The following RBFOX1 variants were observed in gnomAD, a reference collection of about 807,000 sequenced individuals.
The protein encoded by RBFOX1 is RNA binding fox-1 homolog 1.
Under a neutral mutation model 57.7 loss-of-function variants are expected in RBFOX1, and 8 were observed. The ratio of observed to expected loss-of-function variants is 0.14; its 90% CI spans 0.08 to 0.25. The LOEUF (loss-of-function observed/expected upper bound fraction) is 0.25. Ranked by LOEUF, RBFOX1 falls within the 10% of genes least tolerant of loss-of-function variation. The pLI, the probability that RBFOX1 is intolerant of heterozygous loss-of-function variation, is 1.00. For synonymous variants in RBFOX1, 326 were observed against 222.4 expected, an observed-to-expected ratio of 1.47 and a Z score of -4.15; for missense variants, 611 against 548.5, an observed-to-expected ratio of 1.11 and a Z score of -1.14.
In RBFOX1 at chr16:7,671,611, C is replaced by G. The variant is rs756935023; in HGVS notation, c.931-5163C>G. On this transcript the variant is annotated intron_variant, in intron 13 of 15. Coordinates refer to ENST00000550418, the MANE Select transcript of RBFOX1 (RefSeq NM_018723.4). ...ATAAATTGCTGCAGGTATGAAATCC[C>G]GACTGGTGGAGAAACTCATCACTAT... The G allele has an allele frequency of 1.9e-6, 3 of 1,606,830 alleles. No homozygotes were observed. Among genetic ancestry groups the G allele is most frequent in the Admixed American group, 1.7e-5 (1 of 59,970 alleles).
chr16:7,176,117 T>A (rs767137244), intron 4 of RBFOX1, among the ~76,000 whole-genome samples: 7 of 151,142 alleles, frequency 4.6e-5, no homozygotes, highest in Non-Finnish European at 7.4e-5. Flanking sequence ...TTTAATCAAA[T>A]TTTTTTTATT....
At chr16:5,379,299 G>T (rs370710055) in intron 1 of RBFOX1, among the ~76,000 whole-genome samples, 2 of 150,938 alleles carry the variant, frequency 1.3e-5, no homozygotes, top group African/African-American at 2.5e-5. Flanking sequence ...AGTTTTTATC[G>T]TTTTTTTTCT....
chr16:6,992,626 A>G (rs2091673089), intron 3 of RBFOX1, among the ~76,000 whole-genome samples: 1 of 152,058 alleles, frequency 6.6e-6, no homozygotes, highest in Non-Finnish European at 1.5e-5. Flanking sequence ...AAAACTAGGT[A>G]AGAAGGCAGT....
chr16:7,295,160 G>T (rs899761783), intron 4 of RBFOX1, among the ~76,000 whole-genome samples: 4 of 152,160 alleles, frequency 2.6e-5, no homozygotes, highest in Admixed American at 1.3e-4. Flanking sequence ...GTGTAAGCTG[G>T]CATTCATTTG....
intron 2 of RBFOX1, among the ~76,000 whole-genome samples, chr16:6,433,265 G>A (rs997611765): frequency 6.6e-6 from 1 of 152,208 alleles, no homozygotes; most frequent in Non-Finnish European, 1.5e-5. Context: ...ACAAGAGTCA[G>A]AAATGAGAAG....
At chr16:6,904,312 A>C (rs1347352685) in intron 3 of RBFOX1, among the ~76,000 whole-genome samples, 1 of 151,982 alleles carries the variant, frequency 6.6e-6, no homozygotes, top group African/African-American at 2.4e-5. Flanking sequence ...AAACCCATCC[A>C]TCTTTAGGCC....
At chr16:6,761,368 A>G (rs2076571662) in intron 3 of RBFOX1, among the ~76,000 whole-genome samples, 1 of 152,118 alleles carries the variant, frequency 6.6e-6, no homozygotes. Context: ...TACCAGACAT[A>G]CATTTAGTCT....
intron 5 of RBFOX1, among the ~76,000 whole-genome samples, chr16:7,570,750 G>T (rs144128769): frequency 2.4e-3 from 358 of 152,148 alleles, no homozygotes; most frequent in African/African-American, 8.3e-3. Flanking sequence ...TATACCAAAG[G>T]AATATAAATC....
chr16:7,703,057 C>T (rs983795241), intron 14 of RBFOX1, among the ~76,000 whole-genome samples: 1 of 152,222 alleles, frequency 6.6e-6, no homozygotes, highest in African/African-American at 2.4e-5. Context: ...TGAAAGAGAA[C>T]ATCCCTTTAG....
chr16:7,227,487 TC>T (rs2093213631), intron 4 of RBFOX1, among the ~76,000 whole-genome samples: 1 of 152,156 alleles, frequency 6.6e-6, no homozygotes, highest in Non-Finnish European at 1.5e-5. Flanking sequence ...GGGTTATTTA[TC>T]TAACTGTCTC....
At chr16:6,409,444 C>G (rs1288575935) in intron 2 of RBFOX1, among the ~76,000 whole-genome samples, 1 of 152,072 alleles carries the variant, frequency 6.6e-6, no homozygotes, top group African/African-American at 2.4e-5. Flanking sequence ...AAAACTTTAC[C>G]AAACACTTTG....
At chr16:5,966,444 C>G (rs981431561) in intron 4 of RBFOX1, among the ~76,000 whole-genome samples, 2 of 152,074 alleles carry the variant, frequency 1.3e-5, no homozygotes, top group Non-Finnish European at 2.9e-5. Context: ...GAGGAGATGC[C>G]ACACACTTTT....
intron 3 of RBFOX1, among the ~76,000 whole-genome samples, chr16:6,999,594 T>C (rs1474733582): frequency 6.6e-6 from 1 of 152,132 alleles, no homozygotes. Context: ...TACAGCAGAT[T>C]TCAACAACTA....
Position 7,011,682 on chromosome 16 carries a change from T to C in RBFOX1, c.-15-40375T>C, listed in dbSNP as rs191326258. On this transcript the variant is annotated intron_variant, in intron 3 of 15. Coordinates refer to ENST00000550418, the MANE Select transcript of RBFOX1 (RefSeq NM_018723.4). Reference sequence around the variant, plus strand: ...GTGCCTGCCACCATGCTCGGCTAATTTTTTGTATTTTTAGTAGAGATGGGA... The same window carrying C: ...GTGCCTGCCACCATGCTCGGCTAATCTTTTGTATTTTTAGTAGAGATGGGA... 2.0e-5 allele frequency among the ~76,000 whole-genome samples: 3 copies of C among 152,176 alleles called. No individual in the cohort carries two copies. In the East Asian group the frequency reaches 5.8e-4, roughly 30 times the overall value.
intron 3 of RBFOX1, among the ~76,000 whole-genome samples, chr16:6,842,342 G>C (rs2093521925): frequency 6.6e-6 from 1 of 151,824 alleles, no homozygotes; most frequent in Non-Finnish European, 1.5e-5. Flanking sequence ...ACACATCTTT[G>C]GAAAGACAAA....
At chr16:6,614,287 C>G (rs1369893344) in intron 2 of RBFOX1, among the ~76,000 whole-genome samples, 1 of 152,004 alleles carries the variant, frequency 6.6e-6, no homozygotes, top group African/African-American at 2.4e-5. Context: ...AGAATCCCTT[C>G]TGAGTCTTAC....
chr16:6,992,225 G>A (rs1486951475), intron 3 of RBFOX1, among the ~76,000 whole-genome samples: 1 of 151,016 alleles, frequency 6.6e-6, no homozygotes, highest in Non-Finnish European at 1.5e-5. Flanking sequence ...GTGCAGTGGT[G>A]CAATCTCGGC....
intron 2 of RBFOX1, among the ~76,000 whole-genome samples, chr16:6,457,410 T>C (rs1465605928): frequency 6.8e-6 from 1 of 148,080 alleles, no homozygotes. Context: ...CCTTGTGTTA[T>C]TTTCTGGTGA....
At chr16:7,349,303 T>C (rs1055725828) in intron 4 of RBFOX1, among the ~76,000 whole-genome samples, 3 of 152,156 alleles carry the variant, frequency 2.0e-5, no homozygotes, top group Non-Finnish European at 2.9e-5. Context: ...TCACTCCTTC[T>C]CTCAAACCAA....
Sources: gnomAD v4.1 joint callset for allele counts (sites outside exome capture counted in the v4.1 genomes callset) on GRCh38, gnomAD v4.1.1 for gene constraint, MANE v1.5 for transcripts, NCBI Gene and HGNC (gene_info 2026-07-23, HGNC 2026-07-21) for gene names.